SLC25A48: variants seen among roughly 807,000 people sequenced by gnomAD.
The protein encoded by SLC25A48 is CTC-321K16.1.
In SLC25A48, 29 loss-of-function variants were observed where a neutral mutation model predicts 32.2. That is an observed-to-expected ratio of 0.90 (90% CI 0.67 to 1.23). SLC25A48 has a LOEUF of 1.23. Among genes scored for constraint, SLC25A48 ranks in the 50% most tolerant of loss-of-function variants. The pLI, the probability that SLC25A48 is intolerant of heterozygous loss-of-function variation, is 0.00. For missense variants in SLC25A48, 399 were observed against 422.7 expected (o/e 0.94, Z 0.49); for synonymous variants, 164 against 172.3 (o/e 0.95, Z 0.38).
At chr5:135,853,577 A>T (rs1290365043) in intron 4 of SLC25A48, among the ~76,000 whole-genome samples, 3 of 152,254 alleles carry the variant, frequency 2.0e-5, no homozygotes, top group African/African-American at 7.2e-5. Flanking sequence ...GTTAAATATT[A>T]TCATGAGATT....
chr5:135,661,103 T>C (rs1470185465), intron 3 of SLC25A48, among the ~76,000 whole-genome samples: 1 of 152,164 alleles, frequency 6.6e-6, no homozygotes, highest in Non-Finnish European at 1.5e-5. Context: ...GTTGGTGCCC[T>C]TGGTCCCAAA....
intron 1 of SLC25A48, among the ~76,000 whole-genome samples, chr5:135,616,692 T>C (rs1273680482): frequency 6.6e-6 from 1 of 152,214 alleles, no homozygotes; most frequent in Non-Finnish European, 1.5e-5. Flanking sequence ...AATGCTGAAA[T>C]GATTCAAGAC....
rs183459843 is a variant in SLC25A48 at position 135,806,464 on chromosome 5, A to G, written c.-520-6059A>G. ...CATAATGTGTTCACACTGTGTTAAC[A>G]CTACATATTATAAATATCAAAGATA... On this transcript the variant is annotated intron_variant, in intron 3 of 10. Transcript: ENST00000646290. 8.8e-3 allele frequency among the ~76,000 whole-genome samples: 1,331 copies of G among 151,484 alleles called. 9 individuals are homozygous for G. Among genetic ancestry groups the G allele is most frequent in the Admixed American group, 0.027 (407 of 15,132 alleles).
At chr5:135,703,515 C>T (rs542111466) in intron 3 of SLC25A48, among the ~76,000 whole-genome samples, 8 of 152,314 alleles carry the variant, frequency 5.3e-5, no homozygotes, top group African/African-American at 1.9e-4. Flanking sequence ...AAAACAAGCT[C>T]TGGTAACATG....
At chr5:135,706,047 C>T (rs1320549547) in intron 3 of SLC25A48, among the ~76,000 whole-genome samples, 1 of 152,172 alleles carries the variant, frequency 6.6e-6, no homozygotes, top group Non-Finnish European at 1.5e-5. Flanking sequence ...TTCTGGTCAT[C>T]GGCCCAACCC....
At chr5:135,746,802 C>G (rs1755652038) in intron 3 of SLC25A48, among the ~76,000 whole-genome samples, 1 of 152,146 alleles carries the variant, frequency 6.6e-6, no homozygotes, top group African/African-American at 2.4e-5. Context: ...TAGATTCACT[C>G]ATTGCCTGGA....
intron 3 of SLC25A48, among the ~76,000 whole-genome samples, chr5:135,810,367 A>T (rs1757565315): frequency 6.6e-6 from 1 of 152,186 alleles, no homozygotes; most frequent in Non-Finnish European, 1.5e-5. Context: ...CTTGCCAATT[A>T]CTGTTTTTGT....
At chr5:135,773,594 C>A (rs1756473587) in intron 3 of SLC25A48, among the ~76,000 whole-genome samples, 1 of 151,282 alleles carries the variant, frequency 6.6e-6, no homozygotes, top group South Asian at 2.1e-4. Context: ...GAAGAGTACA[C>A]CCTTTTAGAT....
chr5:135,737,702 G>A (rs561310886), intron 3 of SLC25A48, among the ~76,000 whole-genome samples: 91 of 152,240 alleles, frequency 6.0e-4, no homozygotes, highest in African/African-American at 2.0e-3. Context: ...ACAACCTTCC[G>A]GAACATTTTG....
chr5:135,667,142 T>C (rs1753543265), intron 3 of SLC25A48, among the ~76,000 whole-genome samples: 1 of 152,198 alleles, frequency 6.6e-6, no homozygotes, highest in Non-Finnish European at 1.5e-5. Flanking sequence ...ATGCCCATAC[T>C]TTTCCATCTC....
At chr5:135,758,030 A>G (rs1219508686) in intron 3 of SLC25A48, among the ~76,000 whole-genome samples, 2 of 150,650 alleles carry the variant, frequency 1.3e-5, no homozygotes, top group South Asian at 4.2e-4. Flanking sequence ...TAACACAATG[A>G]TATTTATAGA....
At chr5:135,691,496 G>A (rs765854358) in intron 3 of SLC25A48, among the ~76,000 whole-genome samples, 22 of 152,292 alleles carry the variant, frequency 1.4e-4, no homozygotes, top group Admixed American at 2.6e-4. Context: ...CACTGCATGG[G>A]GCATCTTGTG....
In SLC25A48 at chr5:135,871,480, C is replaced by T. The variant is rs1761637477; in HGVS notation, c.441C>T (p.Ser147=). The T allele has an allele frequency of 6.3e-7, 1 of 1,597,870 alleles. No individual in the cohort carries two copies. Among genetic ancestry groups the T allele is most frequent in the Non-Finnish European group, 8.6e-7 (1 of 1,169,236 alleles). Residue 147 remains serine (S), a synonymous_variant, in exon 5 of 8, where the codon TCC becomes TCT. Coordinates refer to ENST00000681962, the MANE Select transcript of SLC25A48 (RefSeq NM_001349336.2). The part of the protein sequence containing the change: ...PFRDANLGLK[S]RAVAPAEQPA... ...TTGCAGCCAACCTCGGTTTGAAGTC[C>T]AGGGCAGTGGCTCCTGCGGAGCAGC...
At position 135,611,496 on chromosome 5, in the gene SLC25A48, C is replaced by CAA. The variant is rs57138043; in HGVS notation, c.-848-17711_-848-17710dup. On this transcript the variant is annotated intron_variant, in intron 1 of 10. Transcript: ENST00000646290. ...TCGGTGACAGAGCGAGACTCCATCT[C>CAA]AAAAAAAAAAAAAAAAAAAAAAAAA... Among the ~76,000 whole-genome samples, 200 of 21,342 alleles carry CAA rather than the reference C, an allele frequency of 9.4e-3. 29 individuals are homozygous for CAA. Among genetic ancestry groups the CAA allele is most frequent in the Middle Eastern group, 0.05 (1 of 20 alleles). The allele number at this position is 21,342 out of a possible 152,430, so 14.0% of individuals were successfully genotyped here.
intron 3 of SLC25A48, among the ~76,000 whole-genome samples, chr5:135,812,345 A>T (rs1430536522): frequency 6.6e-6 from 1 of 152,132 alleles, no homozygotes; most frequent in Non-Finnish European, 1.5e-5. Flanking sequence ...AGTTATTTTT[A>T]AATGTGCAAT....
At position 135,879,177 on chromosome 5, in the gene SLC25A48, T is replaced by G. The variant is rs77745361; in HGVS notation, c.814-791T>G. ...CAGCACAGGCCATTCTTCCTGAGCA[T>G]GCATCCTAGTGATGGAGGTTGAGTC... On this transcript the variant is annotated intron_variant, in intron 6 of 7. Coordinates refer to ENST00000681962, the MANE Select transcript of SLC25A48 (RefSeq NM_001349336.2). 1.3e-3 allele frequency among the ~76,000 whole-genome samples: 200 copies of G among 152,246 alleles called. 4 individuals carry two copies. In the East Asian group the frequency reaches 0.033, roughly 25 times the overall value.
At chr5:135,753,271 G>A (rs752585750) in intron 3 of SLC25A48, among the ~76,000 whole-genome samples, 13 of 152,022 alleles carry the variant, frequency 8.6e-5, no homozygotes, top group Non-Finnish European at 4.4e-5. Flanking sequence ...ATCACAGGGT[G>A]TACACCCACG....
intron 3 of SLC25A48, among the ~76,000 whole-genome samples, chr5:135,734,549 C>T (rs1366062811): frequency 2.0e-5 from 3 of 151,786 alleles, no homozygotes; most frequent in Non-Finnish European, 4.4e-5. Context: ...GGGAAGGGGC[C>T]GGGTGCGGTG....
intron 1 of SLC25A48, among the ~76,000 whole-genome samples, chr5:135,585,042 A>G (rs753790729): frequency 1.1e-4 from 16 of 152,222 alleles, no homozygotes; most frequent in South Asian, 2.1e-4. Flanking sequence ...GACGCTGGCG[A>G]TGGGCGATGA....
Sources: allele counts gnomAD v4.1 joint callset (sites outside exome capture counted in the v4.1 genomes callset), GRCh38; gene constraint gnomAD v4.1.1; transcripts MANE v1.5; gene names NCBI Gene and HGNC (gene_info 2026-07-23, HGNC 2026-07-21).